The following ADGRV1 variants were observed in gnomAD, a reference collection of about 807,000 sequenced individuals.
The protein encoded by ADGRV1 is adhesion G protein-coupled receptor V1.
ADGRV1 carries 359 observed loss-of-function variants against 596.2 expected under a neutral mutation model. The observed-to-expected ratio is 0.60, with a 90% CI of 0.55 to 0.66. The LOEUF (loss-of-function observed/expected upper bound fraction) is 0.66, where lower values mean the gene tolerates loss of function less well. Ranked by LOEUF, ADGRV1 falls within the 30% of genes least tolerant of loss-of-function variation. ADGRV1 has a pLI of 0.00. For synonymous variants in ADGRV1, 2,681 were observed against 2,679.2 expected (o/e 1.00, Z -0.02); for missense variants, 7,274 against 7,575.6 (o/e 0.96, Z 1.48).
rs1419280795 is a variant in ADGRV1, at chr5:90,759,332, A to G, written c.11941-77A>G. ...ATATGTCAGCAAAAACTGTGATTAC[A>G]TTATTTCTTTCCTCATTTCCTATCT... On this transcript the variant is annotated intron_variant, in intron 57 of 89. Coordinates refer to ENST00000405460, the MANE Select transcript of ADGRV1 (RefSeq NM_032119.4). 5.5e-6 allele frequency: 6 copies of G among 1,100,396 alleles called. No homozygotes were observed. In the South Asian group the frequency reaches 6.2e-5, roughly 11 times the overall value. The allele number at this position is 1,100,396 out of a possible 1,614,324, so 68.2% of individuals were successfully genotyped here.
At chr5:91,161,026 T>C (rs1336561791) in intron 89 of ADGRV1, among the ~76,000 whole-genome samples, 1 of 152,160 alleles carries the variant, frequency 6.6e-6, no homozygotes, top group East Asian at 1.9e-4. Context: ...TGCTTTATGA[T>C]GATATTCCTA....
intron 1 of ADGRV1, among the ~76,000 whole-genome samples, chr5:90,581,836 T>C (rs1758103845): frequency 6.6e-6 from 1 of 152,250 alleles, no homozygotes; most frequent in African/African-American, 2.4e-5. Context: ...TTAAGTTTCT[T>C]CTTAACACTG....
At chr5:90,972,138 A>T (rs1261068655) in intron 84 of ADGRV1, among the ~76,000 whole-genome samples, 1 of 152,238 alleles carries the variant, frequency 6.6e-6, no homozygotes, top group African/African-American at 2.4e-5. Context: ...GATCAATTCA[A>T]CAAGAAGAGC....
At chr5:90,728,355 C>T (rs1009332333) in intron 48 of ADGRV1, among the ~76,000 whole-genome samples, 6 of 152,152 alleles carry the variant, frequency 3.9e-5, no homozygotes, top group African/African-American at 1.4e-4. Flanking sequence ...TTTTAGCTTT[C>T]CCTTTCCCTG....
chr5:90,940,163 G>A (rs1021682918), intron 83 of ADGRV1, among the ~76,000 whole-genome samples: 1 of 152,162 alleles, frequency 6.6e-6, no homozygotes, highest in Non-Finnish European at 1.5e-5. Context: ...GTTATTTCAG[G>A]CTAAGAATCT....
intron 85 of ADGRV1, among the ~76,000 whole-genome samples, chr5:91,004,596 A>G (rs1441607717): frequency 1.2e-5 from 1 of 84,726 alleles, no homozygotes; most frequent in African/African-American, 1.0e-4. Context: ...GTAATCTTTC[A>G]CTTTGACTCC....
rs767751092 is a variant in ADGRV1 at position 90,965,408 on chromosome 5, C to T, written c.17857-7C>T. 6.5e-7 allele frequency: 1 copy of T among 1,549,264 alleles called. No individual in the cohort carries two copies. Among genetic ancestry groups the T allele is most frequent in the Non-Finnish European group, 8.9e-7 (1 of 1,120,978 alleles). On this transcript the variant is annotated splice_region_variant and splice_polypyrimidine_tract_variant and intron_variant, in intron 83 of 89. Coordinates refer to ENST00000405460, the MANE Select transcript of ADGRV1 (RefSeq NM_032119.4). Reference sequence around the variant, plus strand: ...ATTTTAAAAATAGAAGTATCTGTTTCTTACAGATTCTGTTTCTGGCGTCTG... The same window carrying T: ...ATTTTAAAAATAGAAGTATCTGTTTTTTACAGATTCTGTTTCTGGCGTCTG...
At chr5:91,141,575 GA>G (rs1406441449) in intron 87 of ADGRV1, among the ~76,000 whole-genome samples, 4 of 151,932 alleles carry the variant, frequency 2.6e-5, no homozygotes, top group African/African-American at 7.3e-5. Context: ...AATTTTAAAT[GA>G]AAAAAACTAA....
chr5:90,945,015 T>C (rs1191140995), intron 83 of ADGRV1, among the ~76,000 whole-genome samples: 1 of 152,202 alleles, frequency 6.6e-6, no homozygotes, highest in Non-Finnish European at 1.5e-5. Context: ...ACTATATTAA[T>C]ATTTTTAGGC....
chr5:90,924,232 T>G (rs1362584692), intron 83 of ADGRV1, among the ~76,000 whole-genome samples: 1 of 151,732 alleles, frequency 6.6e-6, no homozygotes, highest in African/African-American at 2.4e-5. Flanking sequence ...GTTGAACTAG[T>G]TTACAGTCCC....
rs563548552 is a variant in ADGRV1 at position 90,666,516 on chromosome 5, G to A, written c.4753-6030G>A. Reference sequence around the variant, plus strand: ...TTTGAGCCTATGTGTGTCTCTGCACGTGAGATGGGTTTCCTGAATACAGCA... The same window carrying A: ...TTTGAGCCTATGTGTGTCTCTGCACATGAGATGGGTTTCCTGAATACAGCA... On this transcript the variant is annotated intron_variant, in intron 21 of 89. Coordinates refer to ENST00000405460, the MANE Select transcript of ADGRV1 (RefSeq NM_032119.4). Among the ~76,000 whole-genome samples, 39 of 145,958 alleles carry A rather than the reference G, an allele frequency of 2.7e-4. No homozygotes were observed. The South Asian group carries it at 7.0e-3, about 26-fold the overall frequency.
chr5:90,928,989 T>A (rs919013867), intron 83 of ADGRV1, among the ~76,000 whole-genome samples: 1 of 149,310 alleles, frequency 6.7e-6, no homozygotes, highest in Admixed American at 6.7e-5. Context: ...GTCTGCCCGT[T>A]CTCAGATCTC....
chr5:90,883,293 C>T (rs1769969494), intron 83 of ADGRV1, among the ~76,000 whole-genome samples: 1 of 152,096 alleles, frequency 6.6e-6, no homozygotes, highest in African/African-American at 2.4e-5. Context: ...AGAATAGCTC[C>T]ATGGTATTTC....
At position 90,920,146 on chromosome 5, in the gene ADGRV1, G is replaced by A. The variant is rs560280672; in HGVS notation, c.17857-45269G>A. ...TTCTCACAGCTCTGGAGACTGGGAAGTTCTAAATCAAAGTGCCAACAGGTT... is the reference window on the plus strand; with the variant it reads ...TTCTCACAGCTCTGGAGACTGGGAAATTCTAAATCAAAGTGCCAACAGGTT... On this transcript the variant is annotated intron_variant, in intron 83 of 89. Transcript: ENST00000405460. Among the ~76,000 whole-genome samples the A allele has an allele frequency of 2.6e-5, 4 of 152,254 alleles. No homozygotes were observed. In the South Asian group the frequency reaches 6.2e-4, roughly 24 times the overall value.
chr5:91,041,084 C>T (rs1335543808), intron 85 of ADGRV1, among the ~76,000 whole-genome samples: 2 of 152,166 alleles, frequency 1.3e-5, no homozygotes, highest in African/African-American at 4.8e-5. Flanking sequence ...TGTGGCAATT[C>T]CTCAAGGATC....
chr5:90,779,219 T>C, intron 64 of ADGRV1, 122 bp downstream of exon 64: 1 of 584,028 alleles, frequency 1.7e-6, no homozygotes, highest in Non-Finnish European at 3.0e-6. Flanking sequence ...TTCTCAGATT[T>C]GTGTGACATT....
At chr5:91,014,985 A>G (rs1783057654) in intron 85 of ADGRV1, among the ~76,000 whole-genome samples, 1 of 151,900 alleles carries the variant, frequency 6.6e-6, no homozygotes, top group South Asian at 2.1e-4. Context: ...TATTAATTTG[A>G]GATCTATCTA....
chr5:90,786,776 A>G (rs554583287), intron 67 of ADGRV1, among the ~76,000 whole-genome samples: 44 of 152,332 alleles, frequency 2.9e-4, no homozygotes, highest in South Asian at 1.0e-3. Flanking sequence ...AGGGTTGTTT[A>G]CTAAGATGCA....
At chr5:91,069,928 C>CACAAA (rs1554213800) in intron 85 of ADGRV1, among the ~76,000 whole-genome samples, 1 of 136,888 alleles carries the variant, frequency 7.3e-6, no homozygotes, top group Admixed American at 7.1e-5. Flanking sequence ...AATGTAGCCA[C>CACAAA]AAAAAAAAAA....
Sources: allele counts gnomAD v4.1 joint callset (sites outside exome capture counted in the v4.1 genomes callset), GRCh38; gene constraint gnomAD v4.1.1; transcripts MANE v1.5; gene names NCBI Gene and HGNC (gene_info 2026-07-23, HGNC 2026-07-21).